SLC39A11: variants seen among roughly 807,000 people sequenced by gnomAD.
SLC39A11 encodes the protein solute carrier family 39 member 11.
SLC39A11 carries 33 observed loss-of-function variants against 36.1 expected under a neutral mutation model. The ratio of observed to expected loss-of-function variants is 0.91; its 90% CI spans 0.69 to 1.22. The LOEUF is 1.22. Ranked by LOEUF, SLC39A11 falls within the 50% of genes most tolerant of loss-of-function variation. The pLI, the probability that SLC39A11 is intolerant of heterozygous loss-of-function variation, is 0.00. For synonymous variants in SLC39A11, 166 were observed against 170.3 expected, an observed-to-expected ratio of 0.97 and a Z score of 0.20; for missense variants, 432 against 430.3, an observed-to-expected ratio of 1.00 and a Z score of -0.03.
At chr17:72,952,327 T>C (rs1470565632) in intron 4 of SLC39A11, among the ~76,000 whole-genome samples, 1 of 152,230 alleles carries the variant, frequency 6.6e-6, no homozygotes, top group African/African-American at 2.4e-5. Context: ...TACATCCCTC[T>C]GAATTTCAAG....
intron 1 of SLC39A11, among the ~76,000 whole-genome samples, chr17:73,090,116 C>G (rs2060876646): frequency 6.6e-6 from 1 of 152,192 alleles, no homozygotes. Context: ...CTGTGAGGAG[C>G]CAGCAGCCCT....
intron 6 of SLC39A11, among the ~76,000 whole-genome samples, chr17:72,742,748 A>G (rs1397687264): frequency 6.6e-6 from 1 of 152,124 alleles, no homozygotes; most frequent in Non-Finnish European, 1.5e-5. Flanking sequence ...TTTCCTTTCC[A>G]GGGAAACAAA....
intron 6 of SLC39A11, among the ~76,000 whole-genome samples, chr17:72,758,466 T>A (rs2075446615): frequency 6.6e-6 from 1 of 152,204 alleles, no homozygotes; most frequent in Non-Finnish European, 1.5e-5. Context: ...ATATTCAGTT[T>A]CCCCATCTTT....
chr17:72,674,978 G>A (rs2071189572), intron 7 of SLC39A11, among the ~76,000 whole-genome samples: 1 of 83,902 alleles, frequency 1.2e-5, no homozygotes, highest in African/African-American at 4.1e-5. Context: ...AAAAAAGTGT[G>A]TGTGCGTATG....
intron 3 of SLC39A11, among the ~76,000 whole-genome samples, chr17:73,051,676 G>A (rs368048641): frequency 3.4e-5 from 2 of 58,684 alleles, no homozygotes. Flanking sequence ...CGGCCAACAT[G>A]GTGAAACCCT....
chr17:72,973,649 CTG>C (rs2087625693), intron 4 of SLC39A11, among the ~76,000 whole-genome samples: 4 of 152,088 alleles, frequency 2.6e-5, no homozygotes, highest in African/African-American at 4.8e-5. Context: ...GCCTCGACCT[CTG>C]GGGCTCAGAT....
intron 5 of SLC39A11, among the ~76,000 whole-genome samples, chr17:72,936,488 G>A (rs892706706): frequency 2.0e-5 from 3 of 149,626 alleles, no homozygotes; most frequent in Non-Finnish European, 4.4e-5. Context: ...TCCTAGGAAA[G>A]GCAATGGAAA....
At chr17:72,922,974 A>AAAAC (rs1567959554) in intron 5 of SLC39A11, among the ~76,000 whole-genome samples, 2 of 148,476 alleles carry the variant, frequency 1.3e-5, no homozygotes, top group Non-Finnish European at 3.0e-5. Flanking sequence ...AAAAAAAAAA[A>AAAAC]AAAAAAAAAA....
chr17:73,059,654 CAA>C (rs57518384), intron 3 of SLC39A11, among the ~76,000 whole-genome samples: 65 of 127,966 alleles, frequency 5.1e-4, no homozygotes, highest in African/African-American at 8.2e-4. Flanking sequence ...AAACTGTCTC[CAA>C]AAAAAAAAAA....
intron 4 of SLC39A11, among the ~76,000 whole-genome samples, chr17:72,956,237 T>C (rs28677989): frequency 0.043 from 6,545 of 152,318 alleles, 339 homozygotes; most frequent in African/African-American, 0.12. Flanking sequence ...AGTACGCCAT[T>C]ACTCAAACTA....
At chr17:72,739,086 G>T (rs9944510) in intron 6 of SLC39A11, among the ~76,000 whole-genome samples, 44,261 of 151,526 alleles carry the variant, frequency 0.29, 7,858 homozygotes, top group Middle Eastern at 0.4. Flanking sequence ...GGGTCCTGAT[G>T]GGATAGCTGT....
intron 6 of SLC39A11, among the ~76,000 whole-genome samples, chr17:72,785,936 A>T (rs2076498789): frequency 1.8e-5 from 2 of 109,418 alleles, no homozygotes; most frequent in South Asian, 2.3e-4. Flanking sequence ...GTTTATGCTT[A>T]AAAAAAATTA....
At chr17:72,837,002 A>G (rs888256417) in intron 6 of SLC39A11, among the ~76,000 whole-genome samples, 2 of 152,140 alleles carry the variant, frequency 1.3e-5, no homozygotes, top group South Asian at 2.1e-4. Flanking sequence ...TGAAAAATCA[A>G]CATGTTCTTT....
intron 5 of SLC39A11, among the ~76,000 whole-genome samples, chr17:72,926,759 A>G (rs1209612106): frequency 6.6e-6 from 1 of 151,960 alleles, no homozygotes; most frequent in Admixed American, 6.6e-5. Context: ...ATTAGTTGTT[A>G]TCTTTGACCC....
chr17:72,653,463 GTC>G (rs1410452392), intron 7 of SLC39A11, among the ~76,000 whole-genome samples: 1 of 142,212 alleles, frequency 7.0e-6, no homozygotes, highest in East Asian at 2.1e-4. Context: ...TTGAGAAGGA[GTC>G]TCGCTCTGTC....
chr17:72,814,137 T>G (rs4793313), intron 6 of SLC39A11, among the ~76,000 whole-genome samples: 92,355 of 152,042 alleles, frequency 0.61, 28,443 homozygotes, highest in Middle Eastern at 0.7. Flanking sequence ...TTACACACCA[T>G]TTCCTCAGTC....
intron 4 of SLC39A11, among the ~76,000 whole-genome samples, chr17:72,948,810 G>C (rs2085621767): frequency 6.6e-6 from 1 of 152,186 alleles, no homozygotes; most frequent in Non-Finnish European, 1.5e-5. Flanking sequence ...TTTAGTGAAA[G>C]AGACAAAGTC....
At chr17:73,070,957 C>G (rs2060144897) in intron 3 of SLC39A11, among the ~76,000 whole-genome samples, 1 of 152,158 alleles carries the variant, frequency 6.6e-6, no homozygotes, top group African/African-American at 2.4e-5. Flanking sequence ...TGAACTAATA[C>G]ACCTAGGGAG....
chr17:72,960,259 C>A (rs140732389), intron 4 of SLC39A11, among the ~76,000 whole-genome samples: 1 of 152,172 alleles, frequency 6.6e-6, no homozygotes, highest in African/African-American at 2.4e-5. Flanking sequence ...AAATAAATGT[C>A]TTTGTTTACC....
Sources: allele counts gnomAD v4.1 joint callset (sites outside exome capture counted in the v4.1 genomes callset), GRCh38; gene constraint gnomAD v4.1.1; transcripts MANE v1.5; gene names NCBI Gene and HGNC (gene_info 2026-07-23, HGNC 2026-07-21).